The following HDAC9 variants were observed in gnomAD, a reference collection of about 807,000 sequenced individuals.
HDAC9 encodes MEF-2 interacting transcription repressor (MITR) protein.
A neutral mutation model predicts 139.4 loss-of-function variants in HDAC9; 41 were observed. The ratio of observed to expected loss-of-function variants is 0.29; its 90% CI spans 0.23 to 0.38. The LOEUF (loss-of-function observed/expected upper bound fraction) is 0.38. Among genes scored for constraint, HDAC9 ranks in the 10% least tolerant of loss-of-function variants. The pLI is 1.00. For missense variants in HDAC9, 1,147 were observed against 1,297.0 expected (o/e 0.88, Z 1.78); for synonymous variants, 517 against 476.2 (o/e 1.09, Z -1.12).
At chr7:18,413,739 T>C (rs1788788347) in intron 1 of HDAC9, among the ~76,000 whole-genome samples, 1 of 152,168 alleles carries the variant, frequency 6.6e-6, no homozygotes, top group Admixed American at 6.5e-5. Context: ...TTCTGTATAC[T>C]GTACTTAGAA....
intron 25 of HDAC9, among the ~76,000 whole-genome samples, chr7:18,976,988 C>T (rs888417864): frequency 6.6e-6 from 1 of 152,162 alleles, no homozygotes; most frequent in Non-Finnish European, 1.5e-5. Context: ...TTACTGGATA[C>T]TCAGAGTTTA....
intron 2 of HDAC9, among the ~76,000 whole-genome samples, chr7:18,205,757 C>G (rs1314288399): frequency 6.6e-6 from 1 of 152,096 alleles, no homozygotes; most frequent in East Asian, 1.9e-4. Flanking sequence ...ATGTTAAATA[C>G]TGGTTAGAAA....
intron 1 of HDAC9, among the ~76,000 whole-genome samples, chr7:18,489,450 A>G (rs1796205817): frequency 6.6e-6 from 1 of 152,064 alleles, no homozygotes; most frequent in Admixed American, 6.6e-5. Context: ...CAGGTATTGT[A>G]TAATTCTCTA....
At chr7:18,412,138 G>C (rs1001471021) in intron 1 of HDAC9, among the ~76,000 whole-genome samples, 7 of 152,088 alleles carry the variant, frequency 4.6e-5, no homozygotes, top group Admixed American at 3.3e-4. Context: ...TCAACTTGCT[G>C]TATTTTCAAT....
intron 1 of HDAC9, among the ~76,000 whole-genome samples, chr7:18,095,358 G>A (rs1782439767): frequency 1.3e-5 from 2 of 151,910 alleles, no homozygotes. Context: ...TACTGTATTA[G>A]GAAAGTCTTT....
At chr7:18,556,703 T>C (rs1425023682) in intron 2 of HDAC9, among the ~76,000 whole-genome samples, 1 of 152,072 alleles carries the variant, frequency 6.6e-6, no homozygotes, top group African/African-American at 2.4e-5. Context: ...TATCTTAATA[T>C]TTAACTCAAT....
At chr7:18,414,271 C>G (rs934350681) in intron 1 of HDAC9, among the ~76,000 whole-genome samples, 2 of 151,376 alleles carry the variant, frequency 1.3e-5, no homozygotes, top group African/African-American at 4.9e-5. Context: ...AAAGATGTCA[C>G]AATGATATTG....
chr7:18,859,768 CTTT>C (rs940144151), intron 21 of HDAC9, among the ~76,000 whole-genome samples: 29 of 132,308 alleles, frequency 2.2e-4, no homozygotes, highest in South Asian at 2.1e-3. Context: ...TACAAAGCTT[CTTT>C]TTCTCTCCTC....
rs573607696 is a variant in HDAC9, at chr7:18,462,828, A to G, written c.-41-33434A>G. 3.3e-5 allele frequency among the ~76,000 whole-genome samples: 5 copies of G among 152,058 alleles called. 1 individual carries two copies. The highest frequency in any genetic ancestry group is 1.9e-4 in the East Asian group (1 of 5,180). ...GTGTGTCCAGTTTTGATCATGTTTA[A>G]TAGTGTTTTTATTATTGCTGTTTTT... On this transcript the variant is annotated intron_variant, in intron 1 of 3. Coordinates refer to the HDAC9 transcript ENST00000413509.
intron 2 of HDAC9, chr7:18,578,129 G>C: frequency 1.9e-6 from 1 of 518,956 alleles, no homozygotes; most frequent in Non-Finnish European, 3.8e-6. Flanking sequence ...GCAGGGAACT[G>C]TGGGTATTTT....
chr7:18,686,257 C>G (rs1238774823), intron 12 of HDAC9, among the ~76,000 whole-genome samples: 1 of 151,990 alleles, frequency 6.6e-6, no homozygotes, highest in Non-Finnish European at 1.5e-5. Flanking sequence ...GCTAACTTTT[C>G]AACCAAGTCT....
At chr7:18,537,656 C>T (rs139159685) in intron 2 of HDAC9, among the ~76,000 whole-genome samples, 1 of 152,054 alleles carries the variant, frequency 6.6e-6, no homozygotes, top group South Asian at 2.1e-4. Context: ...CCTTAAGGTT[C>T]TAAGTCCTTG....
intron 2 of HDAC9, among the ~76,000 whole-genome samples, chr7:18,262,913 T>C (rs927997079): frequency 1.4e-4 from 20 of 144,536 alleles, no homozygotes; most frequent in African/African-American, 4.6e-4. Flanking sequence ...ATACAGATTT[T>C]TTATAAAAGA....
chr7:18,132,401 T>G (rs1785073627), intron 1 of HDAC9, among the ~76,000 whole-genome samples: 1 of 152,110 alleles, frequency 6.6e-6, no homozygotes, highest in Non-Finnish European at 1.5e-5. Flanking sequence ...TTTCTTTTTG[T>G]TTTTGTTTGT....
At chr7:18,646,363 G>T (rs974406228) in intron 9 of HDAC9, among the ~76,000 whole-genome samples, 1 of 152,066 alleles carries the variant, frequency 6.6e-6, no homozygotes, top group Admixed American at 6.6e-5. Context: ...GAGGTAATAC[G>T]ATTTGGTACC....
intron 12 of HDAC9, among the ~76,000 whole-genome samples, chr7:18,710,996 C>T (rs1784304536): frequency 6.6e-6 from 1 of 152,198 alleles, no homozygotes; most frequent in African/African-American, 2.4e-5. Context: ...ATTTGATTTA[C>T]TCATCTTCTG....
chr7:18,200,640 A>G (rs961155182), intron 2 of HDAC9, among the ~76,000 whole-genome samples: 1 of 152,214 alleles, frequency 6.6e-6, no homozygotes, highest in African/African-American at 2.4e-5. Flanking sequence ...GACTAACACC[A>G]TCGAGCAATT....
intron 1 of HDAC9, among the ~76,000 whole-genome samples, chr7:18,422,100 A>G (rs956704744): frequency 5.3e-5 from 8 of 152,194 alleles, no homozygotes; most frequent in Non-Finnish European, 1.0e-4. Context: ...TAAAGAGGAC[A>G]TATTCTCACA....
chr7:18,988,079 T>C (rs1785526590), intron 25 of HDAC9, among the ~76,000 whole-genome samples: 1 of 152,146 alleles, frequency 6.6e-6, no homozygotes, highest in Non-Finnish European at 1.5e-5. Flanking sequence ...CTGCTCTGAT[T>C]TTAGTTATTT....
Sources: allele counts gnomAD v4.1 joint callset (sites outside exome capture counted in the v4.1 genomes callset), GRCh38; gene constraint gnomAD v4.1.1; transcripts MANE v1.5; gene names NCBI Gene and HGNC (gene_info 2026-07-23, HGNC 2026-07-21).